CDH13: variants seen among roughly 807,000 people sequenced by gnomAD.
The protein encoded by CDH13 is cadherin-13.
In CDH13, 24 loss-of-function variants were observed where a neutral mutation model predicts 63.8. The observed-to-expected ratio is 0.38, with a 90% confidence interval of 0.27 to 0.53. CDH13 has a LOEUF of 0.53. Ranked by LOEUF, CDH13 falls within the 20% of genes least tolerant of loss-of-function variation. CDH13 has a pLI of 0.85. For synonymous variants in CDH13, 503 were observed against 355.3 expected (o/e 1.42, Z -4.67); for missense variants, 1,049 against 903.1 (o/e 1.16, Z -2.07).
At chr16:83,493,897 A>G (rs13336155) in intron 7 of CDH13, among the ~76,000 whole-genome samples, 1,720 of 152,286 alleles carry the variant, frequency 0.011, 33 homozygotes, top group African/African-American at 0.04. Context: ...TTGGTTCTCG[A>G]CATTTCTAGC....
At chr16:83,182,882 G>T (rs1359547891) in intron 4 of CDH13, among the ~76,000 whole-genome samples, 1 of 151,994 alleles carries the variant, frequency 6.6e-6, no homozygotes, top group African/African-American at 2.4e-5. Context: ...AAAGGCATTT[G>T]CATTTTTCCT....
chr16:83,741,546 TAGAG>T (rs1460795643), intron 10 of CDH13, among the ~76,000 whole-genome samples: 1 of 152,072 alleles, frequency 6.6e-6, no homozygotes, highest in African/African-American at 2.4e-5. Flanking sequence ...ATGCCATATA[TAGAG>T]ATAGATCCAT....
chr16:83,725,224 G>A (rs1428473909), intron 10 of CDH13, among the ~76,000 whole-genome samples: 1 of 152,236 alleles, frequency 6.6e-6, no homozygotes, highest in South Asian at 2.1e-4. Flanking sequence ...TGTTCAGGCA[G>A]AGGAAATGGG....
chr16:82,883,134 G>A (rs372789483), intron 2 of CDH13, among the ~76,000 whole-genome samples: 2 of 152,182 alleles, frequency 1.3e-5, no homozygotes, highest in Admixed American at 6.5e-5. Context: ...AATTCAGAAA[G>A]CATAAGAGAA....
intron 5 of CDH13, among the ~76,000 whole-genome samples, chr16:83,285,841 A>G (rs949467079): frequency 3.3e-5 from 5 of 152,176 alleles, no homozygotes; most frequent in African/African-American, 1.2e-4. Context: ...AAAATGCATA[A>G]CGAATTATAG....
At chr16:83,236,720 A>G (rs539382381) in intron 5 of CDH13, among the ~76,000 whole-genome samples, 1 of 152,220 alleles carries the variant, frequency 6.6e-6, no homozygotes, top group African/African-American at 2.4e-5. Context: ...ATGGATAAAC[A>G]AATTGTGATA....
At chr16:83,044,924 T>C (rs1917641447) in intron 3 of CDH13, among the ~76,000 whole-genome samples, 1 of 152,212 alleles carries the variant, frequency 6.6e-6, no homozygotes, top group Non-Finnish European at 1.5e-5. Context: ...GATAATGTAA[T>C]AAAATGTACA....
chr16:82,721,535 G>A (rs142365382), intron 1 of CDH13, among the ~76,000 whole-genome samples: 86 of 152,232 alleles, frequency 5.6e-4, no homozygotes, highest in African/African-American at 2.0e-3. Flanking sequence ...GCTCACGTAG[G>A]CAGGAAGAAA....
intron 10 of CDH13, among the ~76,000 whole-genome samples, chr16:83,701,413 C>T (rs182897067): frequency 5.3e-5 from 8 of 152,266 alleles, no homozygotes; most frequent in South Asian, 2.1e-4. Context: ...CGTATCCATG[C>T]GGTGCACTCT....
intron 1 of CDH13, among the ~76,000 whole-genome samples, chr16:82,718,225 CAT>C (rs1480543912): frequency 6.6e-5 from 10 of 152,208 alleles, no homozygotes; most frequent in African/African-American, 2.4e-4. Context: ...AACCACATCT[CAT>C]AGTTATCCCC....
chr16:83,110,862 C>T (rs2035023709), intron 3 of CDH13, among the ~76,000 whole-genome samples: 1 of 152,070 alleles, frequency 6.6e-6, no homozygotes. Context: ...CCCCAAAACC[C>T]TGGGACCTTG....
chr16:82,750,692 T>C (rs2034377274), intron 1 of CDH13, among the ~76,000 whole-genome samples: 1 of 152,228 alleles, frequency 6.6e-6, no homozygotes, highest in South Asian at 2.1e-4. Context: ...TTCCAGCTGA[T>C]AGAGGTTGGA....
At chr16:83,565,728 C>G (rs1037122696) in intron 7 of CDH13, among the ~76,000 whole-genome samples, 5 of 151,204 alleles carry the variant, frequency 3.3e-5, no homozygotes, top group African/African-American at 1.2e-4. Context: ...TATGACTTTT[C>G]TTTTGTGATA....
intron 5 of CDH13, among the ~76,000 whole-genome samples, chr16:83,328,473 A>T (rs1029200495): frequency 6.6e-6 from 1 of 152,198 alleles, no homozygotes; most frequent in African/African-American, 2.4e-5. Flanking sequence ...TTGACATAGG[A>T]TGATTGGAAA....
chr16:83,063,735 G>C (rs934178224), intron 3 of CDH13, among the ~76,000 whole-genome samples: 1 of 152,204 alleles, frequency 6.6e-6, no homozygotes, highest in African/African-American at 2.4e-5. Flanking sequence ...GAGGCCAAAA[G>C]TTCAAAATGA....
intron 4 of CDH13, among the ~76,000 whole-genome samples, chr16:83,214,234 A>T (rs1296381988): frequency 2.0e-5 from 3 of 151,936 alleles, no homozygotes; most frequent in Non-Finnish European, 4.4e-5. Context: ...CCACGCAGGG[A>T]GCTGTTTCCA....
At chr16:82,736,134 T>A (rs2033661843) in intron 1 of CDH13, among the ~76,000 whole-genome samples, 1 of 152,238 alleles carries the variant, frequency 6.6e-6, no homozygotes, top group South Asian at 2.1e-4. Context: ...TTGCTTTCTA[T>A]GTTTCTCCTT....
At chr16:83,072,860 G>T (rs2151545444) in intron 3 of CDH13, among the ~76,000 whole-genome samples, 1 of 152,312 alleles carries the variant, frequency 6.6e-6, no homozygotes, top group East Asian at 1.9e-4. Flanking sequence ...TTGGAGGAAA[G>T]TTGTAGAAAG....
At chr16:83,781,214 A>G (rs906975797) in intron 12 of CDH13, among the ~76,000 whole-genome samples, 1 of 152,226 alleles carries the variant, frequency 6.6e-6, no homozygotes, top group African/African-American at 2.4e-5. Flanking sequence ...TTAAGACTGA[A>G]ACACCAACAT....
Sources: gnomAD v4.1 joint callset for allele counts (sites outside exome capture counted in the v4.1 genomes callset) on GRCh38, gnomAD v4.1.1 for gene constraint, MANE v1.5 for transcripts, NCBI Gene and HGNC (gene_info 2026-07-23, HGNC 2026-07-21) for gene names.